The following TMEM201 variants were observed in gnomAD, a reference collection of about 807,000 sequenced individuals.
TMEM201 encodes the protein RP13-15M17.2.
TMEM201 carries 26 observed loss-of-function variants against 63.4 expected under a neutral mutation model. The ratio of observed to expected loss-of-function variants is 0.41; its 90% CI spans 0.30 to 0.57. The LOEUF is 0.57. Ranked by LOEUF, TMEM201 falls within the 20% of genes least tolerant of loss-of-function variation. The pLI, the probability that TMEM201 is intolerant of heterozygous loss-of-function variation, is 0.29. For synonymous variants in TMEM201, 417 were observed against 421.6 expected, an observed-to-expected ratio of 0.99 and a Z score of 0.14; for missense variants, 794 against 917.7, an observed-to-expected ratio of 0.87 and a Z score of 1.74.
Position 9,604,096 on chromosome 1 carries a change from C to T in TMEM201, c.1160+1824C>T, listed in dbSNP as rs1420119557. Reference sequence around the variant, plus strand: ...AGAGAAGGACGTGGTGGAGCCAGGACGGGAAAGCGTCCTGTCGGCTGGCCA... The same window carrying T: ...AGAGAAGGACGTGGTGGAGCCAGGATGGGAAAGCGTCCTGTCGGCTGGCCA... On this transcript the variant is annotated intron_variant, in intron 6 of 10. Transcript: ENST00000340381. The surrounding 1 kb of genome is among the most constrained non-coding windows in gnomAD (Gnocchi z 4.1). 23 of 985,320 alleles carry T rather than the reference C, an allele frequency of 2.3e-5. No homozygotes were observed. In the South Asian group the frequency reaches 2.8e-4, roughly 12 times the overall value. The allele number at this position is 985,320 out of a possible 1,614,324, so 61.0% of individuals were successfully genotyped here. A position where few individuals can be genotyped will look rare whatever the true frequency, so the allele number is the denominator to read the frequency against.
chr1:9,610,835 G>T lies in TMEM201; in HGVS notation c.1765+30G>T. The T allele has an allele frequency of 6.6e-7, 1 of 1,511,390 alleles. No homozygotes were observed. Among genetic ancestry groups the T allele is most frequent in the Non-Finnish European group, 8.9e-7 (1 of 1,124,540 alleles). The allele number at this position is 1,511,390 out of a possible 1,614,324, so 93.6% of individuals were successfully genotyped here. A position where few individuals can be genotyped will look rare whatever the true frequency, so the allele number is the denominator to read the frequency against. On this transcript the variant is annotated intron_variant, in intron 9 of 10. Transcript: ENST00000340381. The surrounding 1 kb of genome is among the most constrained non-coding windows in gnomAD (Gnocchi z 4.9). ...GGCCTTCTGACCACCCCAAGGGGCC[G>T]TGGGAGGGCCTCTGCTGCCAAGAGG...
At chr1:9,612,953 A>T (rs1015953139) in intron 10 of TMEM201, 33 bp from the exon 11 acceptor site, 2 of 1,548,310 alleles carry the variant, frequency 1.3e-6, no homozygotes, top group Non-Finnish European at 1.7e-6. Flanking sequence ...CCACCCACCC[A>T]AACAATGTTC....
rs114023239 is a variant in TMEM201 at position 9,601,242 on chromosome 1, G to A, written c.744G>A (p.Leu248=). ...GHFAPGTTVP[L]ALPPGGNGSA... ...TCGCCCCAGGCACCACTGTGCCCCT[G>A]GCCCTGCCACCTGGTGGCAATGGCT... is the stretch of plus-strand genomic sequence containing the variant. The change falls in exon 5 of 11, where the codon CTG becomes CTA. Residue 248 remains leucine, a synonymous_variant. Coordinates refer to ENST00000340381, the MANE Select transcript of TMEM201 (RefSeq NM_001130924.3). The A allele has an allele frequency of 6.2e-7, 1 of 1,611,528 alleles. No homozygotes were observed. The highest frequency in any genetic ancestry group is 8.5e-7 in the Non-Finnish European group (1 of 1,179,788).
intron 1 of TMEM201, among the ~76,000 whole-genome samples, 196 bp downstream of exon 1, chr1:9,589,239 G>A (rs1417042266): frequency 6.6e-6 from 1 of 151,288 alleles, no homozygotes; most frequent in African/African-American, 2.4e-5. Context: ...CGAGTGGAGC[G>A]GCGGGGACTC....
rs377460068 is a variant in TMEM201 at position 9,608,647 on chromosome 1, G to A, written c.1393+858G>A. 7.2e-5 allele frequency among the ~76,000 whole-genome samples: 11 copies of A among 152,322 alleles called. No individual in the cohort carries two copies. The Middle Eastern group carries it at 0.01, about 141-fold the overall frequency. ...GGCCTGAGCACTCCGAGTAAACTCT[G>A]TGCGCACTGACCAAGGTGGCAGAGC... On this transcript the variant is annotated intron_variant, in intron 7 of 10. Coordinates refer to ENST00000340381, the MANE Select transcript of TMEM201 (RefSeq NM_001130924.3). This position sits in a 1 kb window ranked among gnomAD's most constrained non-coding sequence, Gnocchi z 4.3.
Position 9,603,945 on chromosome 1 carries a change from A to G in TMEM201, c.1160+1673A>G, listed in dbSNP as rs914652721. 5.1e-6 allele frequency: 5 copies of G among 985,260 alleles called. No individual in the cohort carries two copies. The African/African-American group carries it at 5.2e-5, about 10-fold the overall frequency. The allele number at this position is 985,260 out of a possible 1,614,324, so 61.0% of individuals were successfully genotyped here. ...AGATGTGGTCGGGGCCACGCTTCCC[A>G]CTGGTTCTGCAGTGAGGAGTTGGGG... is the stretch of plus-strand genomic sequence containing the variant. On this transcript the variant is annotated intron_variant, in intron 6 of 10. Transcript: ENST00000340381. The surrounding 1 kb of genome is among the most constrained non-coding windows in gnomAD (Gnocchi z 4.5).
At chr1:9,592,210 T>C (rs1369567355) in intron 1 of TMEM201, among the ~76,000 whole-genome samples, 1 of 152,220 alleles carries the variant, frequency 6.6e-6, no homozygotes, top group Non-Finnish European at 1.5e-5. Context: ...GGAGGCCTCT[T>C]CTCTGGTCCT....
chr1:9,597,755 C>G (rs1183767894), intron 3 of TMEM201, among the ~76,000 whole-genome samples: 1 of 152,130 alleles, frequency 6.6e-6, no homozygotes, highest in African/African-American at 2.4e-5. Context: ...GAACTCAGGC[C>G]AAGGCAGGGA....
In TMEM201 at chr1:9,596,109, T is replaced by C. The variant is rs181201874; in HGVS notation, c.234+99T>C. On this transcript the variant is annotated intron_variant, in intron 2 of 10. Coordinates refer to ENST00000340381, the MANE Select transcript of TMEM201 (RefSeq NM_001130924.3). ...CTGTGTCCCTGCCCTGCCCCGGGGC[T>C]CATGGACCCCACACCCTCATACCCT... The C allele has an allele frequency of 4.3e-3, 6,202 of 1,458,646 alleles. 75 individuals are homozygous for C. The highest frequency in any genetic ancestry group is 3.2e-3 in the Non-Finnish European group (3,497 of 1,079,406). 90.4% of individuals were successfully genotyped at this position (1,458,646 alleles called of 1,614,324 possible).
At chr1:9,598,680 C>A in intron 4 of TMEM201, 55 bp downstream of exon 4, 3 of 1,566,140 alleles carry the variant, frequency 1.9e-6, no homozygotes, top group South Asian at 2.3e-5. Flanking sequence ...GTTCAGGAAA[C>A]CCTCCCAGGA....
At position 9,596,927 on chromosome 1, in the gene TMEM201, G is replaced by A. The variant is rs140699538; in HGVS notation, c.303G>A (p.Ala101=). The A allele has an allele frequency of 4.9e-4, 786 of 1,612,648 alleles. No homozygotes were observed. Among genetic ancestry groups the A allele is most frequent in the Non-Finnish European group, 6.1e-4 (719 of 1,179,542 alleles). The change falls in exon 3 of 11, where the codon GCG becomes GCA. Residue 101 remains alanine (A), a synonymous_variant. Coordinates refer to ENST00000340381, the MANE Select transcript of TMEM201 (RefSeq NM_001130924.3). The stretch of plus-strand genomic sequence containing the variant: ...ACCTGAACCACGTGGTGAGCAGCGC[G>A]CCCAGCCTGCGCGACCCTTCGCAGC... ...LEHLNHVVSS[A]PSLRDPSQPQ...
rs115195065 is a variant in TMEM201 at position 9,607,074 on chromosome 1, C to G, written c.1161-483C>G. Reference sequence around the variant, plus strand: ...TGCCCAGAGCCGTGCTGGGGCCTGACTTCCTATGATCCAGGCCCATCTGGG... The same window carrying G: ...TGCCCAGAGCCGTGCTGGGGCCTGAGTTCCTATGATCCAGGCCCATCTGGG... On this transcript the variant is annotated intron_variant, in intron 6 of 10. Coordinates refer to ENST00000340381, the MANE Select transcript of TMEM201 (RefSeq NM_001130924.3). The surrounding 1 kb of genome is among the most constrained non-coding windows in gnomAD (Gnocchi z 5.4). Among the ~76,000 whole-genome samples the G allele has an allele frequency of 0.012, 1,771 of 152,232 alleles. 34 individuals carry two copies. Among genetic ancestry groups the G allele is most frequent in the African/African-American group, 0.04 (1,653 of 41,534 alleles).
At chr1:9,600,970 T>G in intron 4 of TMEM201, 135 bp from the exon 5 acceptor site, 2 of 691,934 alleles carry the variant, frequency 2.9e-6, no homozygotes, top group Admixed American at 3.0e-5. Context: ...TGGAACTGAG[T>G]GGTGAGTTTT....
chr1:9,595,906 A>G lies in TMEM201; in HGVS notation c.130A>G (p.Thr44Ala). ...GGTCCACAGGATGAAGCCAACGCAC[A>G]CGATGGTCAACTGCTGGTTCTGCAA... is the stretch of plus-strand genomic sequence containing the variant. Reference protein sequence around the residue: ...RIARRMKPTHTMVNCWFCNQD... With the variant: ...RIARRMKPTHAMVNCWFCNQD... Residue 44 changes from threonine to alanine, a missense_variant, in exon 2 of 11, where the codon ACG becomes GCG. Transcript: ENST00000340381. The G allele has an allele frequency of 6.2e-7, 1 of 1,613,564 alleles. No individual in the cohort carries two copies. The highest frequency in any genetic ancestry group is 8.5e-7 in the Non-Finnish European group (1 of 1,179,984).
At chr1:9,612,218 C>T (rs1038052205) in intron 10 of TMEM201, among the ~76,000 whole-genome samples, 1 of 152,234 alleles carries the variant, frequency 6.6e-6, no homozygotes, top group African/African-American at 2.4e-5. Context: ...GCTCAGTAGG[C>T]ACCTGTGGCC....
intron 4 of TMEM201, 51 bp from the exon 5 acceptor site, chr1:9,601,054 G>T: frequency 6.7e-7 from 1 of 1,491,742 alleles, no homozygotes; most frequent in South Asian, 1.3e-5. Context: ...GTGATGGCTG[G>T]GGGTGGCTCT....
chr1:9,590,259 G>A (rs941257817), intron 1 of TMEM201, among the ~76,000 whole-genome samples: 1 of 152,268 alleles, frequency 6.6e-6, no homozygotes, highest in East Asian at 1.9e-4. Context: ...TGTCCAAGCC[G>A]GTGGTTTTAT....
At chr1:9,596,815 G>A (rs1241863460) in intron 2 of TMEM201, 44 bp from the exon 3 acceptor site, 2 of 1,546,124 alleles carry the variant, frequency 1.3e-6, no homozygotes, top group East Asian at 2.3e-5. Context: ...GCCTGAGCCA[G>A]CTGGGAGGGC....
chr1:9,592,286 G>T (rs1479140243), intron 1 of TMEM201, among the ~76,000 whole-genome samples: 1 of 152,204 alleles, frequency 6.6e-6, no homozygotes, highest in Non-Finnish European at 1.5e-5. Flanking sequence ...CTGCTTGGGA[G>T]GCTGGCCTCT....
Sources: gnomAD v4.1 joint callset for allele counts (sites outside exome capture counted in the v4.1 genomes callset) on GRCh38, gnomAD v4.1.1 for gene constraint, Gnocchi (gnomAD v3.1) non-coding constraint, MANE v1.5 for transcripts, NCBI Gene and HGNC (gene_info 2026-07-23, HGNC 2026-07-21) for gene names.